Variants in SP140L observed in about 807,000 individuals in gnomAD.
SP140L encodes nuclear body protein SP140-like protein.
Under a neutral mutation model 84.3 loss-of-function variants are expected in SP140L, and 64 were observed. The ratio of observed to expected loss-of-function variants is 0.76; its 90% CI spans 0.62 to 0.94. The LOEUF (loss-of-function observed/expected upper bound fraction) is 0.94. Among genes scored for constraint, SP140L ranks in the 40% least tolerant of loss-of-function variants. The pLI is 0.00. For synonymous variants in SP140L, 242 were observed against 236.9 expected (o/e 1.02, Z -0.20); for missense variants, 628 against 692.5 (o/e 0.91, Z 1.05).
intron 2 of SP140L, among the ~76,000 whole-genome samples, chr2:230,357,578 T>G (rs1300761414): frequency 6.6e-6 from 1 of 152,252 alleles, no homozygotes; most frequent in Admixed American, 6.5e-5. Flanking sequence ...CAGTTTAGAC[T>G]GGGCTTTTTC....
At chr2:230,396,614 C>A in intron 13 of SP140L, 143 bp from the exon 14 acceptor site, 1 of 895,102 alleles carries the variant, frequency 1.1e-6, no homozygotes, top group Non-Finnish European at 1.7e-6. Context: ...GCCACCCCAG[C>A]CTACTGGCCT....
chr2:230,374,197 T>C (rs1393630213), intron 7 of SP140L, among the ~76,000 whole-genome samples: 1 of 151,876 alleles, frequency 6.6e-6, no homozygotes, highest in East Asian at 1.9e-4. Context: ...GTGCTTGTAG[T>C]CCCAGTTAGT....
rs1351459143 is a variant in SP140L at position 230,371,635 on chromosome 2, AC to A, written c.624del (p.Lys209ArgfsTer44). 2 of 1,605,786 alleles carry A rather than the reference AC, an allele frequency of 1.2e-6. No individual in the cohort carries two copies. The highest frequency in any genetic ancestry group is 2.2e-5 in the South Asian group (2 of 90,566). ...DIANNSTLGK[P>X]KRKRRKKKGH... is the part of the protein sequence containing the mutation. ...TTGCAAACAACTCTACTTTGGGAAA[AC>A]CCAAGAGGAAAAGAAGTAAGAATAA... On this transcript the variant is annotated frameshift_variant, in exon 7 of 19. Coordinates refer to ENST00000415673, the MANE Select transcript of SP140L (RefSeq NM_138402.6). LOFTEE classifies it high-confidence loss of function.
intron 5 of SP140L, among the ~76,000 whole-genome samples, chr2:230,367,434 AGGTGCGT>A (rs1352059082): frequency 6.6e-6 from 1 of 151,504 alleles, no homozygotes; most frequent in African/African-American, 2.4e-5. Flanking sequence ...CTGAGACCAC[AGGTGCGT>A]GCCACCACAC....
intron 5 of SP140L, among the ~76,000 whole-genome samples, chr2:230,370,444 C>T (rs1336393239): frequency 1.3e-5 from 2 of 152,298 alleles, no homozygotes; most frequent in East Asian, 1.9e-4. Flanking sequence ...AACATAATGA[C>T]TTTAGGCAGT....
At chr2:230,382,263 T>TC (rs1192936566) in intron 7 of SP140L, among the ~76,000 whole-genome samples, 1 of 146,634 alleles carries the variant, frequency 6.8e-6, no homozygotes, top group East Asian at 2.1e-4. Context: ...CCCTGCCGTC[T>TC]CATGCCTGGT....
At position 230,327,282 on chromosome 2, in the gene SP140L, G is replaced by T; in HGVS notation, c.13G>T (p.Gly5Cys). Residue 5 changes from glycine to cysteine, a missense_variant, in exon 1 of 19, where the codon GGC (glycine) becomes TGC (cysteine). Transcript: ENST00000415673. MAGG[G>C]SDLSTRGLNG... ...CTAGGGTGGGACGATGGCAGGTGGGGGCAGCGACCTGAGCACCAGGTGAGT... is the reference window on the plus strand; with the variant it reads ...CTAGGGTGGGACGATGGCAGGTGGGTGCAGCGACCTGAGCACCAGGTGAGT... 1 of 1,611,822 alleles carries T rather than the reference G, an allele frequency of 6.2e-7. No individual in the cohort carries two copies. Among genetic ancestry groups the T allele is most frequent in the Non-Finnish European group, 8.5e-7 (1 of 1,179,038 alleles).
chr2:230,337,413 G>A (rs1165862209), intron 2 of SP140L, among the ~76,000 whole-genome samples: 3 of 152,052 alleles, frequency 2.0e-5, no homozygotes, highest in Non-Finnish European at 4.4e-5. Flanking sequence ...CAGATGAGTA[G>A]GTTGCAAAAA....
intron 2 of SP140L, among the ~76,000 whole-genome samples, chr2:230,352,750 G>C (rs1249231453): frequency 6.6e-6 from 1 of 151,752 alleles, no homozygotes; most frequent in East Asian, 1.9e-4. Flanking sequence ...TATACTAATT[G>C]CTTCATTTTC....
At chr2:230,352,896 C>T (rs2060409670) in intron 2 of SP140L, among the ~76,000 whole-genome samples, 2 of 151,768 alleles carry the variant, frequency 1.3e-5, no homozygotes, top group Admixed American at 1.3e-4. Flanking sequence ...TAATAGTAGA[C>T]ATTCCTATAT....
At chr2:230,327,855 T>A (rs1207550507) in intron 1 of SP140L, among the ~76,000 whole-genome samples, 1 of 152,082 alleles carries the variant, frequency 6.6e-6, no homozygotes, top group African/African-American at 2.4e-5. Flanking sequence ...CTTGACTGAC[T>A]CAGGGTGTGA....
chr2:230,373,292 T>A (rs965933779), intron 7 of SP140L, among the ~76,000 whole-genome samples: 1 of 152,188 alleles, frequency 6.6e-6, no homozygotes, highest in East Asian at 1.9e-4. Flanking sequence ...CAGCCTTCCA[T>A]TGAAAGAAGA....
intron 2 of SP140L, among the ~76,000 whole-genome samples, chr2:230,330,903 A>T (rs2059707858): frequency 6.6e-6 from 1 of 152,194 alleles, no homozygotes; most frequent in East Asian, 1.9e-4. Flanking sequence ...CCAGGATGCG[A>T]ACTGTCCCTT....
intron 7 of SP140L, among the ~76,000 whole-genome samples, chr2:230,378,119 T>C (rs1301407440): frequency 2.0e-5 from 3 of 152,182 alleles, no homozygotes; most frequent in African/African-American, 7.2e-5. Flanking sequence ...TGAAAGTCAG[T>C]TGGCCATATA....
rs1347545240 is a variant in SP140L, at chr2:230,357,952, A to G, written c.255A>G (p.Thr85=). 6.2e-7 allele frequency: 1 copy of G among 1,613,098 alleles called. No individual in the cohort carries two copies. Among genetic ancestry groups the G allele is most frequent in the Middle Eastern group, 1.7e-4 (1 of 6,060 alleles). The change falls in exon 3 of 19, where the codon ACA becomes ACG. Residue 85 remains threonine (T), a synonymous_variant. Coordinates refer to ENST00000415673, the MANE Select transcript of SP140L (RefSeq NM_138402.6). ...LEGLRDRELI[T]NKMFEDSEDS... is the part of the protein sequence containing the mutation. ...GCCTCCGCGATCGGGAACTCATCAC[A>G]AATAAAATGTTTGAAGTAAGTAAAG...
chr2:230,361,720 G>T, intron 5 of SP140L, 23 bp downstream of exon 5: 1 of 1,527,830 alleles, frequency 6.5e-7, no homozygotes, highest in South Asian at 1.2e-5. Flanking sequence ...GAATAAAAAC[G>T]GTTTCTCATC....
intron 7 of SP140L, among the ~76,000 whole-genome samples, chr2:230,380,100 C>T (rs998573318): frequency 6.6e-6 from 1 of 152,114 alleles, no homozygotes; most frequent in African/African-American, 2.4e-5. Flanking sequence ...ACTCACAGTA[C>T]CATGTGACTG....
chr2:230,400,688 CT>C (rs2149835532), intron 15 of SP140L: 1 of 720,022 alleles, frequency 1.4e-6, no homozygotes, highest in East Asian at 3.0e-5. Context: ...ACTCCTTGTG[CT>C]CCCAGCAGCT....
At chr2:230,395,465 A>G (rs796420533) in intron 13 of SP140L, among the ~76,000 whole-genome samples, 9 of 152,254 alleles carry the variant, frequency 5.9e-5, no homozygotes, top group African/African-American at 2.2e-4. Flanking sequence ...CTGTAGTCCC[A>G]CCTACTCAGG....
Sources: gnomAD v4.1 joint callset for allele counts (sites outside exome capture counted in the v4.1 genomes callset) on GRCh38, gnomAD v4.1.1 for gene constraint, MANE v1.5 for transcripts, NCBI Gene and HGNC (gene_info 2026-07-23, HGNC 2026-07-21) for gene names.